The following LINC00305 variants were observed in gnomAD, a reference collection of about 807,000 sequenced individuals.
LINC00305 encodes the protein long intergenic non-protein coding RNA 305.
In LINC00305 at chr18:64,148,013, G is replaced by A. The variant is rs150549921; in HGVS notation, n.314+762C>T. Among the ~76,000 whole-genome samples the A allele has an allele frequency of 1.4e-4, 22 of 152,008 alleles. No homozygotes were observed. The East Asian group carries it at 2.7e-3, about 19-fold the overall frequency. On this transcript the variant is annotated intron_variant and non_coding_transcript_variant, in intron 1 of 3. Transcript: ENST00000666468. ...TCATAGGGAACCATCTCGGATGTACGTTCTTAGATGCTGTGCTGACCATGG... is the reference window on the plus strand; with the variant it reads ...TCATAGGGAACCATCTCGGATGTACATTCTTAGATGCTGTGCTGACCATGG...
At chr18:64,147,264 C>A (rs548654424) in intron 1 of LINC00305, 2 of 152,216 alleles carry the variant, frequency 1.3e-5, no homozygotes, top group African/African-American at 2.4e-5. Flanking sequence ...AAGATTATAG[C>A]AAATGGGTGT....
At chr18:64,121,192 C>T (rs1297843545) in intron 1 of LINC00305, among the ~76,000 whole-genome samples, 1 of 151,952 alleles carries the variant, frequency 6.6e-6, no homozygotes, top group Non-Finnish European at 1.5e-5. Context: ...TGCTGATCAC[C>T]TCTTCTTTTT....
At chr18:64,125,766 A>G (rs184947353) in intron 1 of LINC00305, among the ~76,000 whole-genome samples, 4 of 152,206 alleles carry the variant, frequency 2.6e-5, no homozygotes, top group Admixed American at 1.3e-4. Flanking sequence ...TTAACGCCCA[A>G]TGCAACAGTG....
In LINC00305 at chr18:64,142,843, G is replaced by A. The variant is rs146727439; in HGVS notation, n.314+5932C>T. ...AACTAGGAGAATGAATAAGTAAAAC[G>A]AGATGGATGCATGCCATAGAATAAC... On this transcript the variant is annotated intron_variant and non_coding_transcript_variant, in intron 1 of 3. Coordinates refer to ENST00000666468, the Ensembl canonical transcript of LINC00305. Among the ~76,000 whole-genome samples the A allele has an allele frequency of 1.2e-3, 184 of 152,230 alleles. 1 individual carries two copies. Among genetic ancestry groups the A allele is most frequent in the African/African-American group, 4.1e-3 (171 of 41,548 alleles).
intron 1 of LINC00305, among the ~76,000 whole-genome samples, chr18:64,118,147 T>A (rs923266786): frequency 5.9e-5 from 9 of 152,148 alleles, no homozygotes; most frequent in African/African-American, 1.9e-4. Context: ...GGTATTTGTT[T>A]TGGACAAATA....
At chr18:64,110,101 C>G (rs2051308736) in intron 1 of LINC00305, among the ~76,000 whole-genome samples, 1 of 152,150 alleles carries the variant, frequency 6.6e-6, no homozygotes, top group African/African-American at 2.4e-5. Context: ...TCCACCTTCT[C>G]CTGGACATCT....
Position 64,130,039 on chromosome 18 carries a change from G to T in LINC00305, n.314+18736C>A, listed in dbSNP as rs369309846. On this transcript the variant is annotated intron_variant and non_coding_transcript_variant, in intron 1 of 3. Coordinates refer to ENST00000666468, the Ensembl canonical transcript of LINC00305. ...GTACATGTGCACAACGTGCAGGTTT[G>T]TTACATATGTATACATGTGCCATGT... is the stretch of plus-strand genomic sequence containing the variant. Among the ~76,000 whole-genome samples, 314 of 150,148 alleles carry T rather than the reference G, an allele frequency of 2.1e-3. 1 individual carries two copies. Among genetic ancestry groups the T allele is most frequent in the African/African-American group, 7.3e-3 (299 of 40,734 alleles).
At chr18:64,110,756 T>A (rs2051311592) in intron 1 of LINC00305, among the ~76,000 whole-genome samples, 1 of 152,198 alleles carries the variant, frequency 6.6e-6, no homozygotes, top group African/African-American at 2.4e-5. Flanking sequence ...CAGAATAAAA[T>A]AAACAACAAA....
intron 3 of LINC00305, among the ~76,000 whole-genome samples, chr18:64,088,037 G>T (rs748669058): frequency 4.9e-4 from 74 of 152,256 alleles, no homozygotes; most frequent in Non-Finnish European, 9.6e-4. Flanking sequence ...GTGAGAGAAT[G>T]GTGTAAACCC....
At chr18:64,112,109 G>A (rs2051317132) in intron 1 of LINC00305, among the ~76,000 whole-genome samples, 1 of 152,046 alleles carries the variant, frequency 6.6e-6, no homozygotes, top group South Asian at 2.1e-4. Flanking sequence ...TTCATTCTCA[G>A]TAAACACTGT....
intron 1 of LINC00305, among the ~76,000 whole-genome samples, chr18:64,134,834 T>A (rs1453297929): frequency 6.6e-6 from 1 of 152,192 alleles, no homozygotes; most frequent in East Asian, 1.9e-4. Context: ...AATTATGAGG[T>A]CTACATTCTG....
intron 3 of LINC00305, among the ~76,000 whole-genome samples, chr18:64,083,930 C>T (rs1301192073): frequency 6.6e-6 from 1 of 152,116 alleles, no homozygotes; most frequent in Non-Finnish European, 1.5e-5. Flanking sequence ...GCACTTTGTT[C>T]CCCAGGGAGA....
At chr18:64,121,503 T>C (rs1256192803) in intron 1 of LINC00305, among the ~76,000 whole-genome samples, 3 of 152,118 alleles carry the variant, frequency 2.0e-5, no homozygotes, top group African/African-American at 4.8e-5. Context: ...TTCCATCCAT[T>C]GTGCTGCAAA....
chr18:64,089,000 T>G (rs2051214788), intron 3 of LINC00305, among the ~76,000 whole-genome samples: 1 of 152,130 alleles, frequency 6.6e-6, no homozygotes, highest in Non-Finnish European at 1.5e-5. Flanking sequence ...CTACCTGTGG[T>G]GAGCTATGAT....
chr18:64,113,867 AC>A (rs1484921139), intron 1 of LINC00305, among the ~76,000 whole-genome samples: 1 of 152,220 alleles, frequency 6.6e-6, no homozygotes, highest in Non-Finnish European at 1.5e-5. Context: ...TCTAAAGCAC[AC>A]TGAAACTTGT....
At chr18:64,095,005 C>A (rs570099707) in intron 3 of LINC00305, among the ~76,000 whole-genome samples, 1 of 152,146 alleles carries the variant, frequency 6.6e-6, no homozygotes, top group South Asian at 2.1e-4. Context: ...GACCTCTGAG[C>A]CATACAGAGA....
intron 1 of LINC00305, among the ~76,000 whole-genome samples, chr18:64,112,700 C>T (rs897484047): frequency 6.6e-6 from 1 of 152,164 alleles, no homozygotes; most frequent in Non-Finnish European, 1.5e-5. Flanking sequence ...TCTTGCCTAT[C>T]TTCAACCTGC....
intron 1 of LINC00305, chr18:64,098,721 T>C (rs548254719): frequency 5.5e-6 from 2 of 361,770 alleles, no homozygotes; most frequent in African/African-American, 2.1e-5. Context: ...CCTGGGAGTG[T>C]AAAAGTCCCC....
At chr18:64,143,576 GTATATGTACATATGTACACATATGTAT>G (rs2051477198) in intron 1 of LINC00305, among the ~76,000 whole-genome samples, 1 of 17,398 alleles carries the variant, frequency 5.7e-5, no homozygotes. Context: ...ATACACATAT[GTATATGTACATATGTACACATATGTAT>G]ATGTACATAT....
Sources: gnomAD v4.1 joint callset for allele counts (sites outside exome capture counted in the v4.1 genomes callset) on GRCh38, gnomAD v4.1.1 for gene constraint, MANE v1.5 for transcripts, NCBI Gene and HGNC (gene_info 2026-07-23, HGNC 2026-07-21) for gene names.